Variants in KANK1 observed in about 807,000 individuals in gnomAD.
KANK1 encodes the protein KN motif and ankyrin repeat domain-containing protein 1.
In KANK1, 109 loss-of-function variants were observed where a neutral mutation model predicts 106.2. That is an observed-to-expected ratio of 1.03 (90% CI 0.88 to 1.20). KANK1 has a LOEUF of 1.20. Among genes scored for constraint, KANK1 ranks in the 50% most tolerant of loss-of-function variants. The probability of loss-of-function intolerance (pLI) is 0.00; values close to 1 mark genes in which losing one functional copy is unlikely to be tolerated. For synonymous variants in KANK1, 873 were observed against 652.2 expected (o/e 1.34, Z -5.16); for missense variants, 2,399 against 1,710.7 (o/e 1.40, Z -7.10).
At position 713,276 on chromosome 9, in the gene KANK1, A is replaced by G. The variant is rs749378625; in HGVS notation, c.2510A>G (p.Gln837Arg). ...IERIQKLLAE[Q>R]QTLLAENYSE... ...CGTATCCAGAAGCTGCTGGCAGAAC[A>G]GCAGACACTGCTGGCTGAGAACTAC... The change falls in exon 3 of 12, where the codon CAG becomes CGG. Residue 837 changes from glutamine (Q) to arginine (R), a missense_variant. Coordinates refer to ENST00000382297, the MANE Select transcript of KANK1 (RefSeq NM_015158.5). 1.2e-6 allele frequency: 2 copies of G among 1,613,388 alleles called. No individual in the cohort carries two copies. Among genetic ancestry groups the G allele is most frequent in the Admixed American group, 1.7e-5 (1 of 59,938 alleles).
At chr9:519,695 A>C (rs900892665) in intron 1 of KANK1, among the ~76,000 whole-genome samples, 17 of 151,686 alleles carry the variant, frequency 1.1e-4, no homozygotes, top group Admixed American at 2.6e-4. Flanking sequence ...TATAACCTCG[A>C]TCCTTGTTTT....
chr9:736,966 T>C (rs1833961429), intron 7 of KANK1, among the ~76,000 whole-genome samples: 1 of 152,198 alleles, frequency 6.6e-6, no homozygotes, highest in South Asian at 2.1e-4. Context: ...TTTTCCTGCA[T>C]CCTCCAAATT....
intron 2 of KANK1, among the ~76,000 whole-genome samples, chr9:698,555 G>C (rs557169892): frequency 6.6e-6 from 1 of 152,114 alleles, no homozygotes; most frequent in Non-Finnish European, 1.5e-5. Flanking sequence ...CTGGTCTCCA[G>C]CTCAGCCCAG....
intron 1 of KANK1, among the ~76,000 whole-genome samples, chr9:630,954 C>CA (rs112232228): frequency 0.3 from 45,948 of 151,518 alleles, 7,020 homozygotes; most frequent in East Asian, 0.34. Flanking sequence ...GACTCTGTCT[C>CA]AAAAAACAAA....
intron 1 of KANK1, among the ~76,000 whole-genome samples, chr9:600,146 ACT>A (rs1827361305): frequency 6.6e-6 from 1 of 151,240 alleles, no homozygotes; most frequent in African/African-American, 2.5e-5. Context: ...AGTCTCTAAA[ACT>A]CTTTTTCATC....
At chr9:633,751 C>G (rs1455388105) in intron 1 of KANK1, among the ~76,000 whole-genome samples, 2 of 152,174 alleles carry the variant, frequency 1.3e-5, no homozygotes, top group African/African-American at 4.8e-5. Flanking sequence ...CTCCTAGACT[C>G]AAAGGGTGTT....
Position 508,417 on chromosome 9 carries a change from G to T in KANK1, c.-84+3663G>T, listed in dbSNP as rs4548235. Among the ~76,000 whole-genome samples, 8 of 152,158 alleles carry T rather than the reference G, an allele frequency of 5.3e-5. No homozygotes were observed. The East Asian group carries it at 1.3e-3, about 26-fold the overall frequency. ...CTCCCAAAGTGCTGGCATTACAGGC[G>T]TGAGCCACTGTGCCCAGCCTGTAGC... On this transcript the variant is annotated intron_variant, in intron 1 of 11. Coordinates refer to ENST00000382297, the MANE Select transcript of KANK1 (RefSeq NM_015158.5).
At chr9:558,284 G>A (rs1251588090) in intron 1 of KANK1, among the ~76,000 whole-genome samples, 1 of 152,146 alleles carries the variant, frequency 6.6e-6, no homozygotes, top group African/African-American at 2.4e-5. Context: ...AGGATAATTT[G>A]GAAGAACACC....
chr9:627,502 T>G (rs1473232816), intron 1 of KANK1, among the ~76,000 whole-genome samples: 1 of 152,216 alleles, frequency 6.6e-6, no homozygotes, highest in African/African-American at 2.4e-5. Context: ...GGACCTAGAA[T>G]TTAATCTCTT....
chr9:651,213 T>C (rs914486122), intron 1 of KANK1, among the ~76,000 whole-genome samples: 4 of 152,210 alleles, frequency 2.6e-5, no homozygotes, highest in African/African-American at 9.6e-5. Context: ...TGGGGTTTTA[T>C]TTCTGTAAGA....
intron 3 of KANK1, among the ~76,000 whole-genome samples, chr9:724,543 A>C (rs1830179254): frequency 1.3e-5 from 2 of 152,096 alleles, no homozygotes. Flanking sequence ...CACACCTGTA[A>C]TCCCAGAACT....
intron 1 of KANK1, among the ~76,000 whole-genome samples, chr9:664,015 A>C (rs1394851352): frequency 6.6e-6 from 1 of 152,090 alleles, no homozygotes; most frequent in African/African-American, 2.4e-5. Context: ...TAGTTCCCAT[A>C]ATCTCGTGTG....
At chr9:543,640 G>C (rs894231477) in intron 1 of KANK1, among the ~76,000 whole-genome samples, 4 of 151,764 alleles carry the variant, frequency 2.6e-5, no homozygotes, top group African/African-American at 7.3e-5. Flanking sequence ...ACGGAAGTCA[G>C]TACAGATCTC....
At chr9:562,042 CTTTTT>C (rs34419752) in intron 1 of KANK1, among the ~76,000 whole-genome samples, 16 of 104,932 alleles carry the variant, frequency 1.5e-4, no homozygotes, top group Admixed American at 2.5e-4. Flanking sequence ...ATTGCATTTT[CTTTTT>C]TTTTTTTTTT....
intron 1 of KANK1, among the ~76,000 whole-genome samples, chr9:543,025 C>G (rs150547224): frequency 0.012 from 1,761 of 152,256 alleles, 23 homozygotes; most frequent in Non-Finnish European, 0.015. Context: ...GATTAGCTCT[C>G]AAATGTTCTC....
intron 2 of KANK1, among the ~76,000 whole-genome samples, chr9:680,460 G>C (rs1269681120): frequency 6.6e-6 from 1 of 152,300 alleles, no homozygotes; most frequent in East Asian, 1.9e-4. Context: ...TTTGTAAAAT[G>C]TATTATGCCA....
At chr9:564,858 G>T (rs1330293900) in intron 1 of KANK1, among the ~76,000 whole-genome samples, 7 of 152,214 alleles carry the variant, frequency 4.6e-5, no homozygotes, top group African/African-American at 1.7e-4. Context: ...GACATACAGT[G>T]TTGTTTTTGG....
chr9:599,809 G>A (rs7022962), intron 1 of KANK1, among the ~76,000 whole-genome samples: 7,308 of 151,850 alleles, frequency 0.048, 245 homozygotes, highest in African/African-American at 0.056. Context: ...CAGTATGTGA[G>A]GATTTGGGTA....
At chr9:555,669 G>C (rs2061540255) in intron 1 of KANK1, among the ~76,000 whole-genome samples, 1 of 152,152 alleles carries the variant, frequency 6.6e-6, no homozygotes, top group Non-Finnish European at 1.5e-5. Flanking sequence ...CACAGAGGTT[G>C]GTTTACTAAG....
Sources: gnomAD v4.1 joint callset for allele counts (sites outside exome capture counted in the v4.1 genomes callset) on GRCh38, gnomAD v4.1.1 for gene constraint, MANE v1.5 for transcripts, NCBI Gene and HGNC (gene_info 2026-07-23, HGNC 2026-07-21) for gene names.